The following LRRIQ1 variants were observed in gnomAD, a reference collection of about 807,000 sequenced individuals.
LRRIQ1 encodes the protein leucine-rich repeat- and IQ domain-containing protein 1.
In LRRIQ1, 210 loss-of-function variants were observed where a neutral mutation model predicts 211.9. That is an observed-to-expected ratio of 0.99 (90% CI 0.89 to 1.11). LRRIQ1 has a LOEUF of 1.11. Among genes scored for constraint, LRRIQ1 ranks in the 50% most tolerant of loss-of-function variants. LRRIQ1 has a pLI of 0.00. For synonymous variants in LRRIQ1, 699 were observed against 650.1 expected (o/e 1.08, Z -1.14); for missense variants, 2,136 against 1,939.5 (o/e 1.10, Z -1.90).
chr12:85,138,580 A>G (rs908801497), intron 19 of LRRIQ1, among the ~76,000 whole-genome samples: 1 of 151,548 alleles, frequency 6.6e-6, no homozygotes, highest in Admixed American at 6.6e-5. Flanking sequence ...TTCTCAGGAC[A>G]TAAAATTATC....
intron 8 of LRRIQ1, among the ~76,000 whole-genome samples, chr12:85,064,137 AT>A (rs1370008145): frequency 6.6e-6 from 1 of 151,826 alleles, no homozygotes; most frequent in Non-Finnish European, 1.5e-5. Flanking sequence ...ACTAATTCAC[AT>A]TCCCACCAAC....
At chr12:85,176,349 T>C (rs1432754057) in intron 24 of LRRIQ1, among the ~76,000 whole-genome samples, 1 of 152,036 alleles carries the variant, frequency 6.6e-6, no homozygotes, top group Non-Finnish European at 1.5e-5. Context: ...TTTTTGTACA[T>C]TGATTTTGTA....
At chr12:85,083,744 T>G (rs1333842360) in intron 11 of LRRIQ1, among the ~76,000 whole-genome samples, 1 of 152,302 alleles carries the variant, frequency 6.6e-6, no homozygotes, top group Admixed American at 6.5e-5. Context: ...GGCCTGGTAA[T>G]TTTTGTCTAC....
chr12:85,210,943 G>A (rs1170204304), intron 24 of LRRIQ1, among the ~76,000 whole-genome samples: 1 of 152,122 alleles, frequency 6.6e-6, no homozygotes, highest in African/African-American at 2.4e-5. Flanking sequence ...CCTAAGGTTG[G>A]GATTTCTCAG....
At chr12:85,113,325 G>A (rs762558609) in intron 15 of LRRIQ1, among the ~76,000 whole-genome samples, 5 of 152,064 alleles carry the variant, frequency 3.3e-5, no homozygotes, top group Non-Finnish European at 5.9e-5. Flanking sequence ...GTACTGAATT[G>A]TGTAGATTGC....
At chr12:85,153,847 C>T (rs570559181) in intron 22 of LRRIQ1, 89 bp downstream of exon 22, 2 of 970,178 alleles carry the variant, frequency 2.1e-6, no homozygotes, top group Non-Finnish European at 3.0e-6. Context: ...TTAAGAATAC[C>T]TATATTAGTT....
rs748238601 is a variant in LRRIQ1 at position 85,127,864 on chromosome 12, G to T, written c.4040G>T (p.Arg1347Leu). The change falls in exon 18 of 27, where the codon CGT becomes CTT. Residue 1347 changes from arginine (R) to leucine (L), a missense_variant. Physicochemically the swap from Arg to Leu is moderately radical, Grantham distance 102. Coordinates refer to ENST00000393217, the MANE Select transcript of LRRIQ1 (RefSeq NM_001079910.2). ...GCTGTGGTAATCCAGTCATACTGGC[G>T]TGGTTACCTCATGCGCAGACAGACT... ...MAAVVIQSYW[R>L]GYLMRRQTHF... The T allele has an allele frequency of 1.9e-6, 3 of 1,613,792 alleles. No individual in the cohort carries two copies. The East Asian group carries it at 6.7e-5, about 36-fold the overall frequency.
intron 24 of LRRIQ1, among the ~76,000 whole-genome samples, chr12:85,214,947 C>A (rs1056219330): frequency 6.6e-6 from 1 of 152,038 alleles, no homozygotes; most frequent in Non-Finnish European, 1.5e-5. Context: ...ACCAACAAGG[C>A]ACTCACATCC....
At chr12:85,146,728 C>T (rs1213583081) in intron 19 of LRRIQ1, among the ~76,000 whole-genome samples, 1 of 151,790 alleles carries the variant, frequency 6.6e-6, no homozygotes, top group African/African-American at 2.4e-5. Context: ...TTAGACCTTT[C>T]ATCTTGAAAG....
intron 24 of LRRIQ1, among the ~76,000 whole-genome samples, chr12:85,204,204 A>G (rs1893431644): frequency 6.6e-6 from 1 of 152,206 alleles, no homozygotes; most frequent in South Asian, 2.1e-4. Flanking sequence ...GCAAGTGCAC[A>G]GAAGTCAAGA....
chr12:85,204,385 A>T (rs1893443561), intron 24 of LRRIQ1, among the ~76,000 whole-genome samples: 1 of 152,160 alleles, frequency 6.6e-6, no homozygotes, highest in East Asian at 1.9e-4. Flanking sequence ...CACCTAGTAT[A>T]GCTGTGAGAA....
In LRRIQ1 at chr12:85,091,122, C is replaced by T. The variant is rs1885351664; in HGVS notation, c.2888-7233C>T. ...TTGTGACATGTCTGCTCCCTAATTGCCTTTTACGATGATTGTAAGCTTCCT... is the reference window on the plus strand; with the variant it reads ...TTGTGACATGTCTGCTCCCTAATTGTCTTTTACGATGATTGTAAGCTTCCT... On this transcript the variant is annotated intron_variant, in intron 11 of 26. Transcript: ENST00000393217. 4.6e-5 allele frequency among the ~76,000 whole-genome samples: 7 copies of T among 152,220 alleles called. No homozygotes were observed. The South Asian group carries it at 1.5e-3, about 32-fold the overall frequency.
chr12:85,267,082 T>C (rs748909637), downstream of LRRIQ1, among the ~76,000 whole-genome samples: 2 of 152,062 alleles, frequency 1.3e-5, no homozygotes, highest in Non-Finnish European at 2.9e-5. Flanking sequence ...AATGTAAAAC[T>C]ATTTTTTAAA....
At chr12:85,207,003 C>A (rs566325606) in intron 24 of LRRIQ1, among the ~76,000 whole-genome samples, 1 of 152,086 alleles carries the variant, frequency 6.6e-6, no homozygotes, top group African/African-American at 2.4e-5. Flanking sequence ...GAGCTCCAAA[C>A]GGGCTAGAAT....
At chr12:85,165,467 CTTTTTTTTT>C (rs779566934) in intron 24 of LRRIQ1, among the ~76,000 whole-genome samples, 2 of 118,626 alleles carry the variant, frequency 1.7e-5, no homozygotes, top group African/African-American at 6.4e-5. Context: ...TGATTTCTTA[CTTTTTTTTT>C]TTTTTTTTTT....
At chr12:85,197,941 ATTT>A (rs1348320024) in intron 24 of LRRIQ1, among the ~76,000 whole-genome samples, 6 of 108,824 alleles carry the variant, frequency 5.5e-5, no homozygotes, top group Non-Finnish European at 9.2e-5. Context: ...AATTATATAT[ATTT>A]ATATATAATT....
chr12:85,128,604 A>AT (rs1007209669), intron 18 of LRRIQ1, among the ~76,000 whole-genome samples: 2 of 152,084 alleles, frequency 1.3e-5, no homozygotes, highest in African/African-American at 4.8e-5. Flanking sequence ...GTCTCAAAAA[A>AT]CAACAACAAC....
chr12:85,075,073 TTTCTTACCAATAGG>T (rs1349906968), intron 11 of LRRIQ1, among the ~76,000 whole-genome samples: 1 of 152,164 alleles, frequency 6.6e-6, no homozygotes, highest in Non-Finnish European at 1.5e-5. Context: ...AATAGATAGC[TTTCTTACCAATAGG>T]TATTTAAGTG....
chr12:85,177,632 G>T (rs559328368), intron 24 of LRRIQ1, among the ~76,000 whole-genome samples: 25 of 152,162 alleles, frequency 1.6e-4, no homozygotes, highest in African/African-American at 5.8e-4. Context: ...TGGAAAAATT[G>T]GTAAGGCACA....
Sources: gnomAD v4.1 joint callset for allele counts (sites outside exome capture counted in the v4.1 genomes callset) on GRCh38, gnomAD v4.1.1 for gene constraint, MANE v1.5 for transcripts, NCBI Gene and HGNC (gene_info 2026-07-23, HGNC 2026-07-21) for gene names.